Variants in RFX3 observed in about 807,000 individuals in gnomAD.
RFX3 encodes regulatory factor X3.
Under a neutral mutation model 98.6 loss-of-function variants are expected in RFX3, and 14 were observed. The ratio of observed to expected loss-of-function variants is 0.14; its 90% CI spans 0.09 to 0.22. The LOEUF is 0.22. Ranked by LOEUF, RFX3 falls within the 10% of genes least tolerant of loss-of-function variation. The pLI is 1.00. For synonymous variants in RFX3, 383 were observed against 328.4 expected (o/e 1.17, Z -1.80); for missense variants, 639 against 926.9 (o/e 0.69, Z 4.03).
chr9:3,412,549 T>A (rs1296900639), intron 1 of RFX3, among the ~76,000 whole-genome samples: 2 of 152,200 alleles, frequency 1.3e-5, no homozygotes, highest in Non-Finnish European at 2.9e-5. Context: ...AAATATCATC[T>A]TCCTAAGGTA....
At chr9:3,233,614 C>A (rs1335469911) in intron 15 of RFX3, among the ~76,000 whole-genome samples, 1 of 152,138 alleles carries the variant, frequency 6.6e-6, no homozygotes, top group Non-Finnish European at 1.5e-5. Context: ...AGACCTCACC[C>A]TTAGGGACAC....
At chr9:3,234,057 A>G (rs1489434446) in intron 15 of RFX3, among the ~76,000 whole-genome samples, 1 of 152,196 alleles carries the variant, frequency 6.6e-6, no homozygotes, top group Non-Finnish European at 1.5e-5. Flanking sequence ...GCACATTTTC[A>G]TCCTTCCTCT....
chr9:3,428,906 A>C (rs1041415486), intron 1 of RFX3, among the ~76,000 whole-genome samples: 1 of 152,194 alleles, frequency 6.6e-6, no homozygotes, highest in African/African-American at 2.4e-5. Context: ...TTAGAGATAG[A>C]CAGGGCTAAA....
rs117252225 is a variant in RFX3 at position 3,389,362 on chromosome 9, C to T, written c.117+6110G>A. ...GGAGCAATCCATTTCTAGTCATATT[C>T]TATAGAGACCCATTGGTCCAAAAAG... is the stretch of plus-strand genomic sequence containing the variant. On this transcript the variant is annotated intron_variant, in intron 2 of 16. Transcript: ENST00000617270. 1.7e-3 allele frequency among the ~76,000 whole-genome samples: 252 copies of T among 152,158 alleles called. 6 individuals are homozygous for T. In the East Asian group the frequency reaches 0.044, roughly 26 times the overall value.
intron 1 of RFX3, among the ~76,000 whole-genome samples, chr9:3,490,588 A>T (rs1238756168): frequency 6.6e-6 from 1 of 152,150 alleles, no homozygotes; most frequent in East Asian, 1.9e-4. Context: ...GTTTTCAAAG[A>T]ACTATAATTC....
intron 14 of RFX3, among the ~76,000 whole-genome samples, chr9:3,251,839 A>G (rs1366842913): frequency 6.6e-6 from 1 of 151,512 alleles, no homozygotes; most frequent in East Asian, 2.0e-4. Context: ...AGGCCTTTCT[A>G]TTTCTCTTTC....
At chr9:3,290,853 T>C (rs1333074957) in intron 6 of RFX3, among the ~76,000 whole-genome samples, 1 of 152,124 alleles carries the variant, frequency 6.6e-6, no homozygotes, top group Admixed American at 6.5e-5. Flanking sequence ...TATCCCAAAC[T>C]ATGGCACCTT....
chr9:3,247,354 G>T, intron 15 of RFX3: 1 of 986,580 alleles, frequency 1.0e-6, no homozygotes. Context: ...GTGGTTAGAA[G>T]CATATGGGTT....
intron 3 of RFX3, among the ~76,000 whole-genome samples, chr9:3,337,813 T>C (rs1833366626): frequency 6.6e-6 from 1 of 152,142 alleles, no homozygotes; most frequent in South Asian, 2.1e-4. Flanking sequence ...TAGGCCAGAG[T>C]TGGTTTCTGT....
At chr9:3,305,502 A>C (rs914075738) in intron 4 of RFX3, among the ~76,000 whole-genome samples, 1 of 152,016 alleles carries the variant, frequency 6.6e-6, no homozygotes, top group Non-Finnish European at 1.5e-5. Flanking sequence ...TCATAGGAAT[A>C]TATCATGACA....
In RFX3 at chr9:3,221,983, G is replaced by T. The variant is rs1011522399; in HGVS notation, c.*3059C>A. The T allele has an allele frequency of 6.6e-6, 1 of 152,048 alleles. No homozygotes were observed. The highest frequency in any genetic ancestry group is 1.5e-5 in the Non-Finnish European group (1 of 67,976). The allele number at this position is 152,048 out of a possible 1,614,324, so 9.4% of individuals were successfully genotyped here. A position where few individuals can be genotyped will look rare whatever the true frequency, so the allele number is the denominator to read the frequency against. On this transcript the variant is annotated 3_prime_UTR_variant, in exon 17 of 17. Coordinates refer to ENST00000617270, the MANE Select transcript of RFX3 (RefSeq NM_001282116.2). ...ACTTGTGTCATTTGTGAATAAATCT[G>T]TTGAGTGTTAGTGTCTAATATTATT...
chr9:3,504,554 C>CTATATGGTATATATTGT (rs1816539677), intron 1 of RFX3, among the ~76,000 whole-genome samples: 1 of 51,510 alleles, frequency 1.9e-5, no homozygotes, highest in African/African-American at 1.5e-4. Context: ...GTATATATTG[C>CTATATGGTATATATTGT]ATATAAAATA....
chr9:3,228,192 G>T (rs1220869813), intron 16 of RFX3, among the ~76,000 whole-genome samples: 1 of 152,128 alleles, frequency 6.6e-6, no homozygotes, highest in East Asian at 1.9e-4. Flanking sequence ...GCTTATAAAG[G>T]TGGGTAAGAT....
intron 1 of RFX3, among the ~76,000 whole-genome samples, chr9:3,517,954 C>T (rs1429362211): frequency 6.6e-6 from 1 of 152,156 alleles, no homozygotes; most frequent in Admixed American, 6.5e-5. Flanking sequence ...TTCCTATAGC[C>T]CAGTGACATC....
intron 1 of RFX3, among the ~76,000 whole-genome samples, chr9:3,421,677 A>G (rs544328034): frequency 5.9e-5 from 9 of 152,286 alleles, no homozygotes; most frequent in African/African-American, 1.7e-4. Context: ...TGGACAAATC[A>G]AAGCATGGAG....
At chr9:3,244,169 A>AT (rs1269102014) in intron 15 of RFX3, among the ~76,000 whole-genome samples, 6 of 150,828 alleles carry the variant, frequency 4.0e-5, no homozygotes, top group South Asian at 2.1e-4. Flanking sequence ...CGCCCGCCTA[A>AT]TTTTTTTTGT....
chr9:3,467,271 C>CATACATATAT lies in RFX3; in HGVS notation c.-9+58466_-9+58475dup, dbSNP rs1016975789. On this transcript the variant is annotated intron_variant, in intron 1 of 16. Transcript: ENST00000617270. ...TTATATATACATATATATGTACATA[C>CATACATATAT]ATACATATATATACATATATATACA... Among the ~76,000 whole-genome samples, 43 of 143,540 alleles carry CATACATATAT rather than the reference C, an allele frequency of 3.0e-4. 1 individual carries two copies. Among genetic ancestry groups the CATACATATAT allele is most frequent in the Non-Finnish European group, 1.2e-4 (8 of 66,356 alleles). The allele number at this position is 143,540 out of a possible 152,430, so 94.2% of individuals were successfully genotyped here.
chr9:3,427,286 CTATA>C (rs1844157129), intron 1 of RFX3, among the ~76,000 whole-genome samples: 1 of 137,174 alleles, frequency 7.3e-6, no homozygotes, highest in African/African-American at 2.7e-5. Flanking sequence ...TTATATAATA[CTATA>C]TATAAATATA....
chr9:3,352,707 G>A (rs931578364), intron 2 of RFX3, among the ~76,000 whole-genome samples: 3 of 152,056 alleles, frequency 2.0e-5, no homozygotes, highest in African/African-American at 7.2e-5. Context: ...TTTCAGTCAT[G>A]TGACAAAAGG....
Sources: gnomAD v4.1 joint callset for allele counts (sites outside exome capture counted in the v4.1 genomes callset) on GRCh38, gnomAD v4.1.1 for gene constraint, MANE v1.5 for transcripts, NCBI Gene and HGNC (gene_info 2026-07-23, HGNC 2026-07-21) for gene names.